The following KLF7 variants were observed in gnomAD, a reference collection of about 807,000 sequenced individuals.
KLF7 encodes the protein Krueppel-like factor 7.
Under a neutral mutation model 27.3 loss-of-function variants are expected in KLF7, and 2 were observed. The observed-to-expected ratio is 0.07, with a 90% CI of 0.03 to 0.23. The LOEUF (loss-of-function observed/expected upper bound fraction) is 0.23. Ranked by LOEUF, KLF7 falls within the 10% of genes least tolerant of loss-of-function variation. The pLI is 1.00. For missense variants in KLF7, 221 were observed against 394.1 expected (o/e 0.56, Z 3.72); for synonymous variants, 165 against 162.4 (o/e 1.02, Z -0.12).
chr2:207,112,945 T>C (rs2077075791), intron 2 of KLF7, among the ~76,000 whole-genome samples: 2 of 152,254 alleles, frequency 1.3e-5, no homozygotes, highest in Non-Finnish European at 2.9e-5. Flanking sequence ...CACCAGGGCA[T>C]GTGCTGTGCA....
At position 207,106,204 on chromosome 2, in the gene KLF7, T is replaced by C. The variant is rs77407076; in HGVS notation, c.733+17570A>G. Among the ~76,000 whole-genome samples, 548 of 152,362 alleles carry C rather than the reference T, an allele frequency of 3.6e-3. 1 individual carries two copies. The highest frequency in any genetic ancestry group is 0.013 in the African/African-American group (529 of 41,592). On this transcript the variant is annotated intron_variant, in intron 2 of 3. Coordinates refer to ENST00000309446, the MANE Select transcript of KLF7 (RefSeq NM_003709.4). The stretch of plus-strand genomic sequence containing the variant: ...ACTTTAAGAACAATGGCAGCCATTG[T>C]GAGCTTTTAAACGGGGGCATAACAT...
At chr2:207,109,064 T>C (rs2076958882) in intron 2 of KLF7, among the ~76,000 whole-genome samples, 1 of 152,208 alleles carries the variant, frequency 6.6e-6, no homozygotes, top group South Asian at 2.1e-4. Flanking sequence ...CAGAGAAAAG[T>C]TTCTATTTGC....
At chr2:207,099,551 G>GATATATATATAT (rs59383415) in intron 2 of KLF7, among the ~76,000 whole-genome samples, 829 of 57,530 alleles carry the variant, frequency 0.014, 69 homozygotes, top group Middle Eastern at 0.024. Context: ...CTACATATGC[G>GATATATATATAT]ATATATATAT....
chr2:207,098,634 T>TATTATC (rs2076685542), intron 2 of KLF7, among the ~76,000 whole-genome samples: 1 of 151,756 alleles, frequency 6.6e-6, no homozygotes, highest in African/African-American at 2.4e-5. Context: ...TTATTATTAT[T>TATTATC]ATTTTCCTTA....
chr2:207,124,660 C>T (rs896531347), intron 1 of KLF7, among the ~76,000 whole-genome samples: 3 of 152,302 alleles, frequency 2.0e-5, no homozygotes, highest in South Asian at 2.1e-4. Flanking sequence ...CTCATACCTT[C>T]GAGATTCCAG....
Position 207,085,986 on chromosome 2 carries a change from CA to C in KLF7, c.857+2471del, listed in dbSNP as rs1162167373. 1.5e-3 allele frequency among the ~76,000 whole-genome samples: 168 copies of C among 109,952 alleles called. 1 individual carries two copies. The highest frequency in any genetic ancestry group is 1.7e-3 in the Non-Finnish European group (89 of 52,356). 72.1% of individuals were successfully genotyped at this position (109,952 alleles called of 152,430 possible). A position where few individuals can be genotyped will look rare whatever the true frequency, so the allele number is the denominator to read the frequency against. On this transcript the variant is annotated intron_variant, in intron 3 of 3. Coordinates refer to ENST00000309446, the MANE Select transcript of KLF7 (RefSeq NM_003709.4). ...ACATTTAACGATTTTAAATGTTGGC[CA>C]AAAAAAAAAAAAAAACCAAACCAAA...
At chr2:207,139,096 C>A (rs1412078706) in intron 1 of KLF7, among the ~76,000 whole-genome samples, 1 of 152,104 alleles carries the variant, frequency 6.6e-6, no homozygotes, top group African/African-American at 2.4e-5. Context: ...AGCTTTCAGC[C>A]CACGAGGTAC....
At chr2:207,146,846 G>A (rs2078110640) in intron 1 of KLF7, among the ~76,000 whole-genome samples, 1 of 152,122 alleles carries the variant, frequency 6.6e-6, no homozygotes, top group African/African-American at 2.4e-5. Flanking sequence ...AGCAGCTTGG[G>A]GCCAGAACAT....
At chr2:207,163,495 G>T (rs931801537) in intron 1 of KLF7, among the ~76,000 whole-genome samples, 1 of 152,210 alleles carries the variant, frequency 6.6e-6, no homozygotes, top group African/African-American at 2.4e-5. Flanking sequence ...TTGTCAAACC[G>T]ATGATGTTTC....
At position 207,086,061 on chromosome 2, in the gene KLF7, C is replaced by T. The variant is rs150762339; in HGVS notation, c.857+2397G>A. Among the ~76,000 whole-genome samples the T allele has an allele frequency of 4.0e-4, 61 of 150,746 alleles. 1 individual carries two copies. Among genetic ancestry groups the T allele is most frequent in the African/African-American group, 1.4e-3 (58 of 40,998 alleles). ...ACCCTATAGGCAAAATAAAAGCATA[C>T]GTTAGACTTGGTACATGCTTAAGGA... is the stretch of plus-strand genomic sequence containing the variant. On this transcript the variant is annotated intron_variant, in intron 3 of 3. Transcript: ENST00000309446.
chr2:207,119,592 G>C (rs192164771), intron 2 of KLF7, among the ~76,000 whole-genome samples: 20 of 152,204 alleles, frequency 1.3e-4, no homozygotes, highest in Admixed American at 1.3e-3. Flanking sequence ...ATGAAGACCA[G>C]AACACAGAGT....
At chr2:207,108,848 A>G (rs1436979464) in intron 2 of KLF7, among the ~76,000 whole-genome samples, 1 of 152,214 alleles carries the variant, frequency 6.6e-6, no homozygotes, top group East Asian at 1.9e-4. Context: ...TGAATTCCAC[A>G]CTTATCATAC....
chr2:207,104,466 G>T (rs368625639), intron 2 of KLF7, among the ~76,000 whole-genome samples: 42 of 152,250 alleles, frequency 2.8e-4, no homozygotes, highest in Middle Eastern at 3.4e-3. Flanking sequence ...ACCTTCAATG[G>T]GTGATAGGGT....
At chr2:207,117,890 C>T (rs897013889) in intron 2 of KLF7, among the ~76,000 whole-genome samples, 92 of 152,170 alleles carry the variant, frequency 6.0e-4, no homozygotes, top group African/African-American at 2.0e-3. Flanking sequence ...TTTACTGCCC[C>T]ATCACCACCC....
chr2:207,173,743 G>A, the KLF7 span: 1 of 152,132 alleles, frequency 6.6e-6, no homozygotes, highest in Non-Finnish European at 1.5e-5. Flanking sequence ...TGACCCAGGA[G>A]ACAATTTGCT....
At chr2:207,159,661 G>A (rs932702649) in intron 1 of KLF7, among the ~76,000 whole-genome samples, 4 of 152,180 alleles carry the variant, frequency 2.6e-5, no homozygotes, top group Non-Finnish European at 5.9e-5. Flanking sequence ...CACAAAGTGT[G>A]ACTAGGTCCA....
In KLF7 at chr2:207,157,520, G is replaced by C. The variant is rs997240213; in HGVS notation, c.102+7947C>G. Among the ~76,000 whole-genome samples, 3 of 152,320 alleles carry C rather than the reference G, an allele frequency of 2.0e-5. No homozygotes were observed. The South Asian group carries it at 6.2e-4, about 32-fold the overall frequency. The stretch of plus-strand genomic sequence containing the variant: ...ATGGCATTTACTACATGTGAAAAGG[G>C]GGGAACTTGCAAATATTGTGTAGAC... On this transcript the variant is annotated intron_variant, in intron 1 of 3. Transcript: ENST00000309446.
At chr2:207,145,888 G>A (rs2078083883) in intron 1 of KLF7, among the ~76,000 whole-genome samples, 1 of 152,190 alleles carries the variant, frequency 6.6e-6, no homozygotes, top group Admixed American at 6.5e-5. Context: ...AAGGAGAAGG[G>A]TGGAGAAATT....
chr2:207,148,598 T>C (rs1481079640), intron 1 of KLF7, among the ~76,000 whole-genome samples: 1 of 152,224 alleles, frequency 6.6e-6, no homozygotes, highest in East Asian at 1.9e-4. Context: ...TTTGCCCATA[T>C]TTTTTTAAAA....
Sources: gnomAD v4.1 joint callset for allele counts (sites outside exome capture counted in the v4.1 genomes callset) on GRCh38, gnomAD v4.1.1 for gene constraint, MANE v1.5 for transcripts, NCBI Gene and HGNC (gene_info 2026-07-23, HGNC 2026-07-21) for gene names.